The following L3MBTL4 variants were observed in gnomAD, a reference collection of about 807,000 sequenced individuals.
L3MBTL4 encodes the protein lethal(3)malignant brain tumor-like protein 4.
In L3MBTL4, 70 loss-of-function variants were observed where a neutral mutation model predicts 84.5. The ratio of observed to expected loss-of-function variants is 0.83; its 90% CI spans 0.68 to 1.01. The LOEUF (loss-of-function observed/expected upper bound fraction) is 1.01, where lower values mean the gene tolerates loss of function less well. L3MBTL4 is among the 50% of genes least tolerant of loss of function. The pLI is 0.00. For missense variants in L3MBTL4, 715 were observed against 754.8 expected, an observed-to-expected ratio of 0.95 and a Z score of 0.62; for synonymous variants, 274 against 259.8, an observed-to-expected ratio of 1.05 and a Z score of -0.52.
chr18:6,036,379 T>C (rs2056142082), intron 16 of L3MBTL4, among the ~76,000 whole-genome samples: 1 of 152,178 alleles, frequency 6.6e-6, no homozygotes, highest in Non-Finnish European at 1.5e-5. Context: ...TTTTTTTTCC[T>C]GCTCAAATCT....
At chr18:6,393,309 G>A (rs1171962922) in intron 1 of L3MBTL4, among the ~76,000 whole-genome samples, 1 of 152,148 alleles carries the variant, frequency 6.6e-6, no homozygotes, top group Non-Finnish European at 1.5e-5. Flanking sequence ...GGAAGTAAAG[G>A]ATAAGCCTGG....
intron 10 of L3MBTL4, among the ~76,000 whole-genome samples, chr18:6,234,977 C>G (rs1382776665): frequency 1.3e-5 from 2 of 152,090 alleles, no homozygotes; most frequent in Non-Finnish European, 2.9e-5. Flanking sequence ...CCATGAAATA[C>G]TATGCAGCCA....
chr18:5,966,752 T>A (rs1293532470), intron 17 of L3MBTL4, among the ~76,000 whole-genome samples: 3 of 151,838 alleles, frequency 2.0e-5, no homozygotes, highest in African/African-American at 7.3e-5. Flanking sequence ...TCACTTCTAA[T>A]GGCACCACTC....
In L3MBTL4 at chr18:6,097,314, A is replaced by G. The variant is rs911258564; in HGVS notation, c.1200-3786T>C. Among the ~76,000 whole-genome samples, 4 of 152,254 alleles carry G rather than the reference A, an allele frequency of 2.6e-5. No homozygotes were observed. In the East Asian group the frequency reaches 5.8e-4, roughly 22 times the overall value. On this transcript the variant is annotated intron_variant, in intron 14 of 18. Coordinates refer to ENST00000317931, the MANE Select transcript of L3MBTL4 (RefSeq NM_001330559.2). ...GAAGGAAACAGAGTGATTACAATTT[A>G]AAAGAATATGGAAGCATAATTTTTA... is the stretch of plus-strand genomic sequence containing the variant.
chr18:6,042,315 T>C (rs948641093), intron 16 of L3MBTL4, among the ~76,000 whole-genome samples: 1 of 152,046 alleles, frequency 6.6e-6, no homozygotes, highest in Middle Eastern at 3.2e-3. Flanking sequence ...CCATTGACAC[T>C]GGAACACTAA....
intron 16 of L3MBTL4, among the ~76,000 whole-genome samples, chr18:6,033,618 T>G (rs897441936): frequency 1.3e-5 from 2 of 152,224 alleles, no homozygotes; most frequent in Non-Finnish European, 2.9e-5. Context: ...ACATTAGTTT[T>G]GTTTTCCTAC....
At chr18:6,064,483 T>G (rs1044646740) in intron 16 of L3MBTL4, among the ~76,000 whole-genome samples, 1 of 152,122 alleles carries the variant, frequency 6.6e-6, no homozygotes, top group Non-Finnish European at 1.5e-5. Context: ...ATTCTTCCCA[T>G]CCATGAGCAT....
intron 14 of L3MBTL4, among the ~76,000 whole-genome samples, chr18:6,118,700 T>A (rs1225829563): frequency 2.6e-5 from 4 of 152,220 alleles, no homozygotes; most frequent in Non-Finnish European, 5.9e-5. Flanking sequence ...AGTGTTTTTC[T>A]CTAAAGTACC....
chr18:6,284,179 A>G lies in L3MBTL4; in HGVS notation c.127+17724T>C, dbSNP rs1428376186. On this transcript the variant is annotated intron_variant, in intron 4 of 18. Coordinates refer to ENST00000317931, the MANE Select transcript of L3MBTL4 (RefSeq NM_001330559.2). ...GAAAAATAAGATTCCAGGAGTGAACATTCATTTCCAAGTGAATTTTTAAGG... is the reference window on the plus strand; with the variant it reads ...GAAAAATAAGATTCCAGGAGTGAACGTTCATTTCCAAGTGAATTTTTAAGG... Among the ~76,000 whole-genome samples, 3 of 152,222 alleles carry G rather than the reference A, an allele frequency of 2.0e-5. No homozygotes were observed. The South Asian group carries it at 6.2e-4, about 32-fold the overall frequency.
At chr18:6,385,541 A>G (rs2054783863) in intron 1 of L3MBTL4, among the ~76,000 whole-genome samples, 2 of 152,380 alleles carry the variant, frequency 1.3e-5, no homozygotes, top group Non-Finnish European at 2.9e-5. Flanking sequence ...ATGAGGTTCT[A>G]GAATTCATCC....
intron 15 of L3MBTL4, among the ~76,000 whole-genome samples, chr18:6,085,695 C>T (rs2058236057): frequency 6.6e-6 from 1 of 152,336 alleles, no homozygotes; most frequent in Admixed American, 6.5e-5. Flanking sequence ...TTGTAAGTTT[C>T]CTGAGGCCTC....
chr18:6,175,273 T>C (rs565356028), intron 12 of L3MBTL4, among the ~76,000 whole-genome samples: 23 of 152,042 alleles, frequency 1.5e-4, no homozygotes, highest in Non-Finnish European at 3.1e-4. Flanking sequence ...GATAATAAAA[T>C]GACATCTTTA....
intron 14 of L3MBTL4, among the ~76,000 whole-genome samples, chr18:6,112,345 C>T (rs1429972411): frequency 6.6e-6 from 1 of 152,192 alleles, no homozygotes; most frequent in African/African-American, 2.4e-5. Flanking sequence ...AGTTAGTCTA[C>T]CTTCCAGTGA....
At chr18:6,327,558 C>T (rs1043936739) in intron 1 of L3MBTL4, among the ~76,000 whole-genome samples, 1 of 152,076 alleles carries the variant, frequency 6.6e-6, no homozygotes, top group South Asian at 2.1e-4. Flanking sequence ...TAGATACACA[C>T]ACACATCAGG....
intron 1 of L3MBTL4, among the ~76,000 whole-genome samples, chr18:6,318,278 T>C (rs1333096235): frequency 5.3e-5 from 8 of 151,780 alleles, no homozygotes; most frequent in African/African-American, 1.9e-4. Flanking sequence ...TGAAAGTAAA[T>C]GGTGTAAATG....
At chr18:5,982,413 G>A (rs1481388062) in intron 16 of L3MBTL4, among the ~76,000 whole-genome samples, 1 of 152,196 alleles carries the variant, frequency 6.6e-6, no homozygotes, top group Non-Finnish European at 1.5e-5. Context: ...CTCATGACAG[G>A]TCAGCATAGG....
intron 16 of L3MBTL4, chr18:6,046,726 A>T (rs781160754): frequency 5.2e-6 from 4 of 775,492 alleles, no homozygotes; most frequent in Non-Finnish European, 9.6e-6. Context: ...GATACAACTT[A>T]CCCAAACCTC....
intron 4 of L3MBTL4, among the ~76,000 whole-genome samples, chr18:6,285,021 C>G (rs1364653597): frequency 6.6e-6 from 1 of 152,264 alleles, no homozygotes; most frequent in East Asian, 1.9e-4. Flanking sequence ...CACCTGGAGG[C>G]TGACCCAGCG....
At chr18:6,013,373 AAC>A (rs1346052986) in intron 16 of L3MBTL4, among the ~76,000 whole-genome samples, 1 of 152,230 alleles carries the variant, frequency 6.6e-6, no homozygotes, top group East Asian at 1.9e-4. Context: ...AATTGGCTGG[AAC>A]ACAGTCTTTG....
Sources: gnomAD v4.1 joint callset for allele counts (sites outside exome capture counted in the v4.1 genomes callset) on GRCh38, gnomAD v4.1.1 for gene constraint, MANE v1.5 for transcripts, NCBI Gene and HGNC (gene_info 2026-07-23, HGNC 2026-07-21) for gene names.